DMXL2: variants seen among roughly 807,000 people sequenced by gnomAD.
The protein encoded by DMXL2 is dmX-like protein 2.
A neutral mutation model predicts 331.1 loss-of-function variants in DMXL2; 103 were observed. The observed-to-expected ratio is 0.31, with a 90% confidence interval of 0.27 to 0.37. The LOEUF is 0.37. Among genes scored for constraint, DMXL2 ranks in the 10% least tolerant of loss-of-function variants. The probability of loss-of-function intolerance (pLI) is 1.00; values close to 1 mark genes in which losing one functional copy is unlikely to be tolerated. For synonymous variants in DMXL2, 1,281 were observed against 1,252.1 expected (o/e 1.02, Z -0.49); for missense variants, 3,171 against 3,642.9 (o/e 0.87, Z 3.33).
At chr15:51,591,624 C>A (rs185004084) in intron 1 of DMXL2, among the ~76,000 whole-genome samples, 77 of 152,352 alleles carry the variant, frequency 5.1e-4, no homozygotes, top group African/African-American at 1.7e-3. Flanking sequence ...AACGGACAGA[C>A]TGCCTCCTCA....
At chr15:51,542,079 T>A (rs1414867160) in intron 9 of DMXL2, among the ~76,000 whole-genome samples, 1 of 152,152 alleles carries the variant, frequency 6.6e-6, no homozygotes, top group Non-Finnish European at 1.5e-5. Flanking sequence ...CAGCTCTAAT[T>A]TACTAGGAAT....
chr15:51,562,315 G>A (rs1179021612), intron 6 of DMXL2, among the ~76,000 whole-genome samples: 3 of 151,850 alleles, frequency 2.0e-5, no homozygotes, highest in Non-Finnish European at 2.9e-5. Flanking sequence ...AGAAAATCAA[G>A]CATAAGAAAA....
rs760076499 is a variant in DMXL2, at chr15:51,517,500, G to T, written c.2437-333C>A. On this transcript the variant is annotated intron_variant, in intron 13 of 43. Transcript: ENST00000560891. ...TGCAGATGTGCAATGCCATTTAAAA[G>T]TACAACCCTGCCAGACCGAAGGTAA... Among the ~76,000 whole-genome samples the T allele has an allele frequency of 4.6e-5, 7 of 152,218 alleles. 1 individual carries two copies. The South Asian group carries it at 8.3e-4, about 18-fold the overall frequency.
intron 6 of DMXL2, among the ~76,000 whole-genome samples, chr15:51,558,998 A>G (rs1382550675): frequency 6.6e-6 from 1 of 152,206 alleles, no homozygotes; most frequent in Non-Finnish European, 1.5e-5. Context: ...GAAAGTTATT[A>G]TAGGCTTCAC....
Position 51,545,644 on chromosome 15 carries a change from C to A in DMXL2, c.869G>T (p.Ser290Ile), listed in dbSNP as rs1328526855. 6.8e-6 allele frequency: 11 copies of A among 1,613,650 alleles called. No homozygotes were observed. Among genetic ancestry groups the A allele is most frequent in the Non-Finnish European group, 9.3e-6 (11 of 1,179,716 alleles). The stretch of plus-strand genomic sequence containing the variant: ...AGCATGAGAAAGGCTGCTGGCAATG[C>A]TGGAAGTGGTAGTCTCACAAATCTG... Reference protein sequence around the residue: ...GEQICETTTSSIASSLSHAGR... With the variant: ...GEQICETTTSIIASSLSHAGR... Residue 290 changes from serine (S) to isoleucine (I), a missense_variant, in exon 8 of 44, where the codon AGC becomes ATC. By Grantham distance (142) the Ser-to-Ile change is moderately radical. This residue lies in a region of DMXL2 where 1,674 missense variants were observed against 1,780.2 expected (regional missense o/e 0.94). Transcript: ENST00000560891.
chr15:51,457,044 C>A (rs2039686368), intron 37 of DMXL2, among the ~76,000 whole-genome samples: 1 of 152,132 alleles, frequency 6.6e-6, no homozygotes, highest in Admixed American at 6.5e-5. Flanking sequence ...CGCTGGCATG[C>A]ACCTGTAGTC....
chr15:51,518,966 T>C (rs2047190984), intron 13 of DMXL2, among the ~76,000 whole-genome samples: 1 of 152,026 alleles, frequency 6.6e-6, no homozygotes, highest in South Asian at 2.1e-4. Flanking sequence ...TGCTCAAAAA[T>C]TCAATAATCA....
intron 2 of DMXL2, among the ~76,000 whole-genome samples, chr15:51,570,314 T>C (rs1021261851): frequency 1.3e-5 from 2 of 152,140 alleles, no homozygotes; most frequent in Non-Finnish European, 2.9e-5. Flanking sequence ...AATCTATGTT[T>C]GATTGGTATA....
At position 51,478,217 on chromosome 15, in the gene DMXL2, G is replaced by C. The variant is rs532790233; in HGVS notation, c.6833+54C>G. ...GAAATAGAAACTTAATATAACTCTGGAACAGTTTAATGTTTTTGCTGTATT... is the reference window on the plus strand; with the variant it reads ...GAAATAGAAACTTAATATAACTCTGCAACAGTTTAATGTTTTTGCTGTATT... On this transcript the variant is annotated intron_variant, in intron 26 of 43. Coordinates refer to ENST00000560891, the MANE Select transcript of DMXL2 (RefSeq NM_001378457.1). 14 of 1,448,070 alleles carry C rather than the reference G, an allele frequency of 9.7e-6. No homozygotes were observed. In the African/African-American group the frequency reaches 2.0e-4, roughly 20 times the overall value. 89.7% of individuals were successfully genotyped at this position (1,448,070 alleles called of 1,614,324 possible). A position where few individuals can be genotyped will look rare whatever the true frequency, so the allele number is the denominator to read the frequency against.
intron 1 of DMXL2, among the ~76,000 whole-genome samples, chr15:51,616,001 C>T (rs980858118): frequency 1.3e-5 from 2 of 152,070 alleles, no homozygotes; most frequent in South Asian, 2.1e-4. Flanking sequence ...TGATTTAGTA[C>T]GAACCAATGG....
chr15:51,467,589 A>G (rs192603256), intron 29 of DMXL2, among the ~76,000 whole-genome samples: 3 of 152,328 alleles, frequency 2.0e-5, no homozygotes, highest in Admixed American at 2.0e-4. Context: ...TGAAAAAGGA[A>G]TACTTAATGC....
intron 1 of DMXL2, among the ~76,000 whole-genome samples, chr15:51,583,044 T>G (rs2141182585): frequency 6.6e-6 from 1 of 151,520 alleles, no homozygotes; most frequent in East Asian, 1.9e-4. Context: ...TATTTTCCAC[T>G]TAGTTAACAA....
intron 41 of DMXL2, 91 bp from the exon 42 acceptor site, chr15:51,451,788 C>T (rs990970392): frequency 5.3e-5 from 57 of 1,074,048 alleles, no homozygotes; most frequent in Non-Finnish European, 7.4e-5. Context: ...AAATATTTTG[C>T]TTATTCATTC....
At chr15:51,520,906 A>G (rs2047322643) in intron 13 of DMXL2, among the ~76,000 whole-genome samples, 1 of 152,184 alleles carries the variant, frequency 6.6e-6, no homozygotes, top group African/African-American at 2.4e-5. Flanking sequence ...GAGTAAAAAC[A>G]TAAAGACACC....
At chr15:51,452,249 A>G (rs551837797) in intron 41 of DMXL2, among the ~76,000 whole-genome samples, 1 of 152,350 alleles carries the variant, frequency 6.6e-6, no homozygotes, top group South Asian at 2.1e-4. Context: ...TTCATGACCA[A>G]GAACCCAAAG....
chr15:51,517,084 G>C lies in DMXL2; in HGVS notation c.2520C>G (p.Thr840=). The change falls in exon 14 of 44, where the codon ACC becomes ACG. Residue 840 remains threonine, a synonymous_variant. Transcript: ENST00000560891. The part of the protein sequence containing the change: ...PGCIIELDAI[T]NQCGSNTQLL... ...TTCACAAGCATGTTTTTACTTGGTT[G>C]GTTATTGCGTCGAGTTCAATAATGC... The C allele has an allele frequency of 6.2e-7, 1 of 1,613,234 alleles. No individual in the cohort carries two copies. Among genetic ancestry groups the C allele is most frequent in the Non-Finnish European group, 8.5e-7 (1 of 1,179,216 alleles).
chr15:51,547,502 T>G, intron 6 of DMXL2, 94 bp from the exon 7 acceptor site: 2 of 776,350 alleles, frequency 2.6e-6, no homozygotes, highest in Non-Finnish European at 3.8e-6. Context: ...AAGTTACATC[T>G]AAAAACTAAT....
intron 29 of DMXL2, among the ~76,000 whole-genome samples, chr15:51,470,794 C>A (rs562609662): frequency 6.6e-5 from 10 of 152,110 alleles, no homozygotes; most frequent in Non-Finnish European, 1.3e-4. Context: ...GTTTCCTTTG[C>A]GCTGGGAAAA....
intron 37 of DMXL2, among the ~76,000 whole-genome samples, chr15:51,456,672 C>A (rs1419456403): frequency 1.3e-5 from 2 of 152,180 alleles, no homozygotes; most frequent in Non-Finnish European, 2.9e-5. Context: ...TGCTTCAGAG[C>A]AGAACATAAG....
Sources: gnomAD v4.1 joint callset for allele counts (sites outside exome capture counted in the v4.1 genomes callset) on GRCh38, gnomAD v4.1.1 for gene constraint, gnomAD v4.1.1 regional missense constraint, MANE v1.5 for transcripts, NCBI Gene and HGNC (gene_info 2026-07-23, HGNC 2026-07-21) for gene names.